The following CNTN5 variants were observed in gnomAD, a reference collection of about 807,000 sequenced individuals.
CNTN5 encodes contactin-5.
Under a neutral mutation model 129.1 loss-of-function variants are expected in CNTN5, and 77 were observed. The ratio of observed to expected loss-of-function variants is 0.60; its 90% CI spans 0.50 to 0.72. The LOEUF is 0.72. CNTN5 is among the 30% of genes least tolerant of loss of function. CNTN5 has a pLI of 0.00. For synonymous variants in CNTN5, 509 were observed against 465.6 expected, an observed-to-expected ratio of 1.09 and a Z score of -1.20; for missense variants, 1,478 against 1,328.8, an observed-to-expected ratio of 1.11 and a Z score of -1.75.
chr11:99,461,547 A>G (rs1944698324), intron 2 of CNTN5, among the ~76,000 whole-genome samples: 1 of 152,146 alleles, frequency 6.6e-6, no homozygotes, highest in Non-Finnish European at 1.5e-5. Context: ...TTTTTGCAAG[A>G]ATTTGTTTAA....
chr11:99,398,068 C>T (rs1040070063), intron 2 of CNTN5, among the ~76,000 whole-genome samples: 1 of 151,852 alleles, frequency 6.6e-6, no homozygotes, highest in Non-Finnish European at 1.5e-5. Context: ...CCCATTCCAA[C>T]AGTGAGACAC....
chr11:99,810,154 A>G (rs1235452327), intron 3 of CNTN5, among the ~76,000 whole-genome samples: 3 of 152,150 alleles, frequency 2.0e-5, no homozygotes, highest in African/African-American at 4.8e-5. Flanking sequence ...TTTGGCAATA[A>G]AAGTCTATAA....
intron 3 of CNTN5, among the ~76,000 whole-genome samples, chr11:99,598,887 GATAA>G (rs1950228284): frequency 6.6e-6 from 1 of 151,950 alleles, no homozygotes; most frequent in South Asian, 2.1e-4. Context: ...TTTAATCTAT[GATAA>G]ATGTTAGTTA....
Position 99,317,958 on chromosome 11 carries a change from T to C in CNTN5, c.-209-7388T>C, listed in dbSNP as rs375488124. ...CACATGCACTTTTCTGTCACCTCCA[T>C]ATTTCAGACAAATCTGGGCAGATTC... On this transcript the variant is annotated intron_variant, in intron 1 of 24. Coordinates refer to ENST00000524871, the MANE Select transcript of CNTN5 (RefSeq NM_014361.4). Among the ~76,000 whole-genome samples, 4 of 152,266 alleles carry C rather than the reference T, an allele frequency of 2.6e-5. No individual in the cohort carries two copies. In the South Asian group the frequency reaches 6.2e-4, roughly 24 times the overall value.
intron 2 of CNTN5, among the ~76,000 whole-genome samples, chr11:99,457,848 A>AT (rs1173505178): frequency 1.3e-5 from 2 of 151,670 alleles, no homozygotes; most frequent in Non-Finnish European, 3.0e-5. Context: ...ATTATAAATT[A>AT]TTTTTCTCCA....
chr11:100,144,035 C>G (rs769456218), intron 13 of CNTN5, among the ~76,000 whole-genome samples: 2 of 151,984 alleles, frequency 1.3e-5, no homozygotes, highest in Non-Finnish European at 2.9e-5. Flanking sequence ...TATAACAATT[C>G]CTATTAACAT....
intron 3 of CNTN5, among the ~76,000 whole-genome samples, chr11:99,743,358 A>G (rs1200240799): frequency 1.3e-5 from 2 of 152,276 alleles, no homozygotes; most frequent in East Asian, 3.9e-4. Flanking sequence ...ATTAGGAAGC[A>G]TAATTTTGCT....
At chr11:100,034,125 T>TTCTCAAATCTCAAA (rs1941861395) in intron 9 of CNTN5, among the ~76,000 whole-genome samples, 1 of 152,214 alleles carries the variant, frequency 6.6e-6, no homozygotes. Context: ...TACATCACAT[T>TTCTCAAATCTCAAA]TCTCAAATCT....
intron 3 of CNTN5, among the ~76,000 whole-genome samples, chr11:99,775,212 G>A (rs947777972): frequency 5.9e-5 from 9 of 152,064 alleles, no homozygotes; most frequent in African/African-American, 1.7e-4. Context: ...TTCTGCTAGC[G>A]TAGTTTCCCA....
At chr11:99,065,454 C>A (rs7111391) in intron 1 of CNTN5, among the ~76,000 whole-genome samples, 3,636 of 152,224 alleles carry the variant, frequency 0.024, 151 homozygotes, top group African/African-American at 0.082. Context: ...CTCCAAACAC[C>A]AGTGAATCTT....
chr11:99,118,618 A>G (rs370770519), intron 1 of CNTN5, among the ~76,000 whole-genome samples: 25 of 152,224 alleles, frequency 1.6e-4, no homozygotes, highest in Middle Eastern at 6.8e-3. Flanking sequence ...ATGTATTAAA[A>G]CAATTAACGA....
At chr11:99,718,082 A>G (rs1251644869) in intron 3 of CNTN5, among the ~76,000 whole-genome samples, 1 of 152,108 alleles carries the variant, frequency 6.6e-6, no homozygotes, top group African/African-American at 2.4e-5. Context: ...AACTCTCCTT[A>G]ATAGAATTCT....
At chr11:99,132,564 T>C (rs1316637945) in intron 1 of CNTN5, among the ~76,000 whole-genome samples, 2 of 152,156 alleles carry the variant, frequency 1.3e-5, no homozygotes, top group Admixed American at 6.5e-5. Context: ...AGTCTCAGGA[T>C]ACACAATCAA....
intron 2 of CNTN5, among the ~76,000 whole-genome samples, chr11:99,494,340 C>A (rs938199536): frequency 2.6e-5 from 4 of 152,142 alleles, no homozygotes; most frequent in Non-Finnish European, 5.9e-5. Context: ...TATTAAGCTA[C>A]GAGACCTAAA....
intron 1 of CNTN5, among the ~76,000 whole-genome samples, chr11:99,055,904 A>G (rs769285586): frequency 2.0e-5 from 3 of 151,872 alleles, no homozygotes; most frequent in Admixed American, 6.6e-5. Flanking sequence ...GGCTCCAGTG[A>G]ATGTTGCCTT....
chr11:99,846,129 G>GACACACACAC (rs10650307), intron 6 of CNTN5, among the ~76,000 whole-genome samples: 9,331 of 144,616 alleles, frequency 0.065, 424 homozygotes, highest in African/African-American at 0.13. Context: ...TACGGACATA[G>GACACACACAC]ACACACACAC....
intron 3 of CNTN5, among the ~76,000 whole-genome samples, chr11:99,779,416 T>C (rs970971240): frequency 1.3e-4 from 20 of 152,148 alleles, no homozygotes; most frequent in Non-Finnish European, 2.4e-4. Flanking sequence ...AGTCTTCTAC[T>C]TGTAGAGCCA....
At chr11:99,354,397 A>G (rs1477406547) in intron 2 of CNTN5, among the ~76,000 whole-genome samples, 3 of 152,162 alleles carry the variant, frequency 2.0e-5, no homozygotes, top group African/African-American at 7.2e-5. Context: ...TTAGATCCAG[A>G]TAAGCCTAAA....
At chr11:99,973,462 A>C (rs184640523) in intron 8 of CNTN5, among the ~76,000 whole-genome samples, 20 of 152,090 alleles carry the variant, frequency 1.3e-4, no homozygotes, top group Admixed American at 1.2e-3. Context: ...TTAATAAGAG[A>C]GCCTATTTTC....
Sources: gnomAD v4.1 joint callset for allele counts (sites outside exome capture counted in the v4.1 genomes callset) on GRCh38, gnomAD v4.1.1 for gene constraint, MANE v1.5 for transcripts, NCBI Gene and HGNC (gene_info 2026-07-23, HGNC 2026-07-21) for gene names.